TRPM3: variants seen among roughly 807,000 people sequenced by gnomAD.
TRPM3 encodes the protein transient receptor potential cation channel subfamily M member 3.
Under a neutral mutation model 181.2 loss-of-function variants are expected in TRPM3, and 77 were observed. The observed-to-expected ratio is 0.42, with a 90% CI of 0.35 to 0.51. The LOEUF is 0.51. Ranked by LOEUF, TRPM3 falls within the 20% of genes least tolerant of loss-of-function variation. The pLI is 0.01. For synonymous variants in TRPM3, 745 were observed against 796.4 expected (o/e 0.94, Z 1.09); for missense variants, 1,759 against 2,196.7 (o/e 0.80, Z 3.98).
chr9:70,548,868 C>CTCTCTCTCTT (rs10602481), intron 25 of TRPM3, among the ~76,000 whole-genome samples: 1 of 143,940 alleles, frequency 6.9e-6, no homozygotes, highest in South Asian at 2.3e-4. Context: ...CTCTCTCTCT[C>CTCTCTCTCTT]TTTTTAATAC....
At chr9:70,858,369 T>C (rs1352108702) in intron 3 of TRPM3, among the ~76,000 whole-genome samples, 2 of 152,116 alleles carry the variant, frequency 1.3e-5, no homozygotes, top group Non-Finnish European at 2.9e-5. Context: ...TTCTACAAAC[T>C]GTGTGCCAGT....
At chr9:71,227,455 G>A (rs988847212) in intron 1 of TRPM3, among the ~76,000 whole-genome samples, 5 of 151,966 alleles carry the variant, frequency 3.3e-5, no homozygotes, top group South Asian at 4.1e-4. Context: ...AAAAGCAAGA[G>A]CAAACCAAAC....
chr9:71,306,495 A>G (rs557016758), intron 1 of TRPM3, among the ~76,000 whole-genome samples: 1 of 152,162 alleles, frequency 6.6e-6, no homozygotes, highest in South Asian at 2.1e-4. Flanking sequence ...TGTCTTTTTT[A>G]TATTAAAAAA....
chr9:70,762,533 A>AATAAC (rs1200264348), intron 7 of TRPM3, among the ~76,000 whole-genome samples: 3 of 152,208 alleles, frequency 2.0e-5, no homozygotes, highest in Non-Finnish European at 4.4e-5. Flanking sequence ...TCACTTTATT[A>AATAAC]ATAACAGATA....
intron 9 of TRPM3, among the ~76,000 whole-genome samples, chr9:70,642,654 G>C (rs1024954935): frequency 3.3e-5 from 5 of 152,158 alleles, no homozygotes; most frequent in Non-Finnish European, 7.3e-5. Flanking sequence ...ATGTCCAGAG[G>C]CTGGGAATTA....
chr9:70,938,351 A>G (rs1213483699), intron 1 of TRPM3, among the ~76,000 whole-genome samples: 9 of 152,252 alleles, frequency 5.9e-5, no homozygotes, highest in Middle Eastern at 6.8e-3. Flanking sequence ...ACTGTCACCA[A>G]CGCCACTGGA....
intron 1 of TRPM3, among the ~76,000 whole-genome samples, chr9:71,272,471 C>T (rs1012026031): frequency 6.6e-6 from 1 of 152,086 alleles, no homozygotes; most frequent in Non-Finnish European, 1.5e-5. Context: ...TTCATTAGCT[C>T]ATTTATAAAT....
intron 9 of TRPM3, among the ~76,000 whole-genome samples, chr9:70,668,672 G>GAAAAAAAAAAAA (rs57929544): frequency 2.9e-4 from 25 of 86,498 alleles, no homozygotes; most frequent in Admixed American, 4.9e-4. Flanking sequence ...CTCAAAAAAA[G>GAAAAAAAAAAAA]AAAAAAAAAA....
In TRPM3 at chr9:70,615,896, A is replaced by G; in HGVS notation, c.2526+12T>C. 1 of 1,594,020 alleles carries G rather than the reference A, an allele frequency of 6.3e-7. No homozygotes were observed. Among genetic ancestry groups the G allele is most frequent in the Non-Finnish European group, 8.5e-7 (1 of 1,174,088 alleles). On this transcript the variant is annotated intron_variant, in intron 18 of 25. Transcript: ENST00000677713. ...TCTGCCCATAGAGAATAACTGTGCA[A>G]TGTTTTCTTACTGTGAGCTCCATGT... is the stretch of plus-strand genomic sequence containing the variant.
In TRPM3 at chr9:70,828,033, A is replaced by G; in HGVS notation, c.802-15T>C. ...GGCCGGACAACCTGCAGGGTATCAAATGGAAGAGGCAGAAGTCAGAAAAAA... is the reference window on the plus strand; with the variant it reads ...GGCCGGACAACCTGCAGGGTATCAAGTGGAAGAGGCAGAAGTCAGAAAAAA... On this transcript the variant is annotated splice_polypyrimidine_tract_variant and intron_variant, in intron 5 of 25. Transcript: ENST00000677713. 6.2e-7 allele frequency: 1 copy of G among 1,605,218 alleles called. No individual in the cohort carries two copies. The highest frequency in any genetic ancestry group is 8.5e-7 in the Non-Finnish European group (1 of 1,174,196).
intron 6 of TRPM3, among the ~76,000 whole-genome samples, chr9:70,819,189 T>C (rs191292241): frequency 5.3e-4 from 80 of 152,254 alleles, no homozygotes; most frequent in Admixed American, 4.3e-3. Context: ...GTCCTGCATA[T>C]TGTAGGATGT....
intron 1 of TRPM3, among the ~76,000 whole-genome samples, chr9:71,040,835 G>A (rs1433520515): frequency 6.6e-6 from 1 of 152,052 alleles, no homozygotes; most frequent in Non-Finnish European, 1.5e-5. Flanking sequence ...ATAATCATGA[G>A]GAGGCATCAG....
At chr9:71,215,060 A>AAAAAAAAAAC (rs1565349746) in intron 1 of TRPM3, among the ~76,000 whole-genome samples, 1 of 146,278 alleles carries the variant, frequency 6.8e-6, no homozygotes, top group Non-Finnish European at 1.5e-5. Flanking sequence ...AAAAAAAAAA[A>AAAAAAAAAAC]AACAACAACC....
intron 1 of TRPM3, among the ~76,000 whole-genome samples, chr9:71,437,259 C>G (rs2131642089): frequency 6.6e-6 from 1 of 152,256 alleles, no homozygotes; most frequent in Admixed American, 6.5e-5. Context: ...AAGACAGAAT[C>G]ATAATATCAC....
intron 7 of TRPM3, among the ~76,000 whole-genome samples, chr9:70,781,550 C>A (rs17462330): frequency 0.024 from 3,700 of 151,830 alleles, 66 homozygotes; most frequent in South Asian, 0.072. Context: ...AAGCTGAAGA[C>A]AACTGAAGTG....
At chr9:71,032,760 A>T (rs971110633) in intron 1 of TRPM3, among the ~76,000 whole-genome samples, 1 of 152,212 alleles carries the variant, frequency 6.6e-6, no homozygotes, top group East Asian at 1.9e-4. Flanking sequence ...GTACATGGCT[A>T]TGCATACCAC....
intron 1 of TRPM3, among the ~76,000 whole-genome samples, chr9:71,438,477 C>T (rs1347644188): frequency 6.6e-6 from 1 of 151,212 alleles, no homozygotes; most frequent in East Asian, 1.9e-4. Context: ...TGAGACCAGC[C>T]TGGGCAATGT....
intron 1 of TRPM3, among the ~76,000 whole-genome samples, chr9:71,156,966 G>T (rs951857134): frequency 6.6e-6 from 1 of 152,052 alleles, no homozygotes; most frequent in Non-Finnish European, 1.5e-5. Context: ...ACTTCCACAG[G>T]AATTGTGTCT....
chr9:71,382,636 A>G (rs1053852210), intron 1 of TRPM3, among the ~76,000 whole-genome samples: 9 of 152,060 alleles, frequency 5.9e-5, no homozygotes, highest in Middle Eastern at 3.2e-3. Flanking sequence ...TCTTGATTGG[A>G]ATTTTTTTAA....
Sources: gnomAD v4.1 joint callset for allele counts (sites outside exome capture counted in the v4.1 genomes callset) on GRCh38, gnomAD v4.1.1 for gene constraint, MANE v1.5 for transcripts, NCBI Gene and HGNC (gene_info 2026-07-23, HGNC 2026-07-21) for gene names.